KRT39: variants seen among roughly 807,000 people sequenced by gnomAD.
KRT39 encodes keratin, type I cytoskeletal 39.
KRT39 carries 47 observed loss-of-function variants against 54.8 expected under a neutral mutation model. The observed-to-expected ratio is 0.86, with a 90% CI of 0.68 to 1.09. KRT39 has a LOEUF of 1.09. KRT39 is among the 50% of genes least tolerant of loss of function. The pLI, the probability that KRT39 is intolerant of heterozygous loss-of-function variation, is 0.00. For synonymous variants in KRT39, 207 were observed against 227.9 expected (o/e 0.91, Z 0.83); for missense variants, 580 against 598.5 (o/e 0.97, Z 0.32).
Position 40,966,387 on chromosome 17 carries a change from A to G in KRT39, c.468+2T>C. The G allele has an allele frequency of 6.3e-7, 1 of 1,595,400 alleles. No homozygotes were observed. Among genetic ancestry groups the G allele is most frequent in the Non-Finnish European group, 8.6e-7 (1 of 1,164,030 alleles). ...GATTAAACAGGTTCTTAGGAATCTT[A>G]CCTTCTGCTGGAGCTCCTCAATGGT... On this transcript the variant is annotated splice_donor_variant, in intron 1 of 6. Coordinates refer to ENST00000355612, the MANE Select transcript of KRT39 (RefSeq NM_213656.4). LOFTEE classifies it high-confidence loss of function.
Position 40,963,613 on chromosome 17 carries a change from G to T in KRT39, c.708+14C>A. On this transcript the variant is annotated intron_variant, in intron 3 of 6. Coordinates refer to ENST00000355612, the MANE Select transcript of KRT39 (RefSeq NM_213656.4). ...GGACTTAGCTTGTGATTACTCTATTGGTCTTTGTCTCACCTCTTTGTGGTT... is the reference window on the plus strand; with the variant it reads ...GGACTTAGCTTGTGATTACTCTATTTGTCTTTGTCTCACCTCTTTGTGGTT... The T allele has an allele frequency of 6.3e-7, 1 of 1,588,916 alleles. No homozygotes were observed. Among genetic ancestry groups the T allele is most frequent in the Non-Finnish European group, 8.6e-7 (1 of 1,160,660 alleles).
chr17:40,959,985 T>C (rs879504434), intron 6 of KRT39, among the ~76,000 whole-genome samples: 10 of 152,214 alleles, frequency 6.6e-5, no homozygotes, highest in Middle Eastern at 6.8e-3. Flanking sequence ...GGGAAATAAT[T>C]TTTTCTCTAG....
intron 2 of KRT39, 101 bp downstream of exon 2, chr17:40,964,344 TG>T (rs1426249160): frequency 3.3e-6 from 3 of 903,808 alleles, no homozygotes; most frequent in Non-Finnish European, 5.5e-6. Context: ...CAACATCATC[TG>T]GGGCAAGAGG....
At chr17:40,965,725 A>G (rs1317716698) in intron 1 of KRT39, among the ~76,000 whole-genome samples, 5 of 152,248 alleles carry the variant, frequency 3.3e-5, no homozygotes, top group African/African-American at 1.2e-4. Context: ...TAAATTGCTT[A>G]GAAACTCATT....
Position 40,958,812 on chromosome 17 carries a change from G to A in KRT39, c.1265C>T (p.Thr422Ile), listed in dbSNP as rs1343664441. 4 of 1,612,616 alleles carry A rather than the reference G, an allele frequency of 2.5e-6. No individual in the cohort carries two copies. Among genetic ancestry groups the A allele is most frequent in the Admixed American group, 3.3e-5 (2 of 59,782 alleles). ...TTCTATGGCTCCGGACTTACAAGAT[G>A]TCCAAGGGGAAGGCTCACATTTGGT... Reference protein sequence around the residue: ...RATKCEPSPWTSCKSGAIEST... With the variant: ...RATKCEPSPWISCKSGAIEST... The change falls in exon 7 of 7, where the codon ACA (threonine) becomes ATA (isoleucine). Residue 422 changes from threonine to isoleucine, a missense_variant. By Grantham distance (89) the Thr-to-Ile change is moderately conservative (BLOSUM62 -1). Coordinates refer to ENST00000355612, the MANE Select transcript of KRT39 (RefSeq NM_213656.4).
At chr17:40,963,853 T>C in intron 2 of KRT39, 70 bp from the exon 3 acceptor site, 1 of 1,291,424 alleles carries the variant, frequency 7.7e-7, no homozygotes, top group Non-Finnish European at 1.1e-6. Context: ...AGCAGAACTC[T>C]CATCTGCATT....
At position 40,966,885 on chromosome 17, in the gene KRT39, G is replaced by A; in HGVS notation, c.-29C>T. ...ATGTGTCTGGCTTTAGTTTGTTCCA[G>A]GTCTGTGGTCACCAGGATGAAAAGC... is the stretch of plus-strand genomic sequence containing the variant. On this transcript the variant is annotated 5_prime_UTR_variant, in exon 1 of 7. Transcript: ENST00000355612. 2 of 1,514,694 alleles carry A rather than the reference G, an allele frequency of 1.3e-6. No homozygotes were observed. Among genetic ancestry groups the A allele is most frequent in the South Asian group, 1.1e-5 (1 of 87,720 alleles). The allele number at this position is 1,514,694 out of a possible 1,614,324, so 93.8% of individuals were successfully genotyped here. A position where few individuals can be genotyped will look rare whatever the true frequency, so the allele number is the denominator to read the frequency against.
intron 1 of KRT39, among the ~76,000 whole-genome samples, chr17:40,965,911 G>A (rs902016996): frequency 1.3e-5 from 2 of 152,138 alleles, no homozygotes; most frequent in Admixed American, 6.6e-5. Context: ...TAAAGACATA[G>A]TCTCACTTTT....
At chr17:40,964,395 G>A (rs1175882729) in intron 2 of KRT39, 51 bp downstream of exon 2, 8 of 1,519,792 alleles carry the variant, frequency 5.3e-6, no homozygotes, top group Admixed American at 1.7e-5. Context: ...GGGCATCTCG[G>A]TCAGACTCAG....
rs774459779 is a variant in KRT39 at position 40,960,403 on chromosome 17, C to T, written c.1095G>A (p.Leu365=). The change falls in exon 6 of 7, where the codon CTG becomes CTA. Residue 365 remains leucine, a synonymous_variant. Transcript: ENST00000355612. ...TTTCCAGGGCACACCGGATCTCTGC[C>T]AGCTGAGCTTCCAGGTTATCAATCA... ...QSLIDNLEAQ[L]AEIRCALERQ... 6.2e-7 allele frequency: 1 copy of T among 1,614,094 alleles called. No individual in the cohort carries two copies. Among genetic ancestry groups the T allele is most frequent in the Non-Finnish European group, 8.5e-7 (1 of 1,180,018 alleles).
At position 40,960,512 on chromosome 17, in the gene KRT39, G is replaced by A. The variant is rs1437301809; in HGVS notation, c.997-11C>T. 5 of 1,601,384 alleles carry A rather than the reference G, an allele frequency of 3.1e-6. No individual in the cohort carries two copies. The highest frequency in any genetic ancestry group is 4.3e-6 in the Non-Finnish European group (5 of 1,168,518). On this transcript the variant is annotated splice_polypyrimidine_tract_variant and intron_variant, in intron 5 of 6. Transcript: ENST00000355612. ...CTCTTGGGAATCTCTCTACCATGGAGAAGGATAGTAGGATTTATAATGACT... is the reference window on the plus strand; with the variant it reads ...CTCTTGGGAATCTCTCTACCATGGAAAAGGATAGTAGGATTTATAATGACT...
chr17:40,963,806 G>C, intron 2 of KRT39, 23 bp from the exon 3 acceptor site: 40 of 1,559,340 alleles, frequency 2.6e-5, no homozygotes, highest in Non-Finnish European at 3.5e-5. Flanking sequence ...GATGGGAAAA[G>C]AGAGACATCT....
At chr17:40,962,353 T>A in intron 4 of KRT39, 49 bp downstream of exon 4, 1 of 1,609,224 alleles carries the variant, frequency 6.2e-7, no homozygotes, top group Non-Finnish European at 8.5e-7. Flanking sequence ...TAAAGGGCCC[T>A]AGAAATGCAG....
chr17:40,959,829 C>G (rs567351895), intron 6 of KRT39, among the ~76,000 whole-genome samples: 1 of 152,284 alleles, frequency 6.6e-6, no homozygotes, highest in African/African-American at 2.4e-5. Flanking sequence ...GCCTCAAGGA[C>G]TAGTGGCTAG....
chr17:40,960,914 A>G (rs1248639299), intron 5 of KRT39, among the ~76,000 whole-genome samples: 1 of 152,072 alleles, frequency 6.6e-6, no homozygotes, highest in Non-Finnish European at 1.5e-5. Context: ...GGTGGATCAC[A>G]AGGTCAGGAG....
chr17:40,958,973 T>A, intron 6 of KRT39, 114 bp from the exon 7 acceptor site: 1 of 877,062 alleles, frequency 1.1e-6, no homozygotes, highest in South Asian at 1.7e-5. Context: ...AAGTACATAC[T>A]TCTAAATGCT....
intron 1 of KRT39, among the ~76,000 whole-genome samples, 187 bp from the exon 2 acceptor site, chr17:40,964,715 G>T (rs1911295140): frequency 6.6e-6 from 1 of 152,126 alleles, no homozygotes; most frequent in Non-Finnish European, 1.5e-5. Context: ...TTTCCTAAAA[G>T]ATCAGCAAAA....
chr17:40,958,650 G>A lies in KRT39; in HGVS notation c.1427C>T (p.Ser476Phe). The part of the protein sequence containing the change: ...KEIKDGKVIS[S>F]YEHVQPCFII... ...GAAACAAGGCTGCACATGCTCGTAA[G>A]AAGAAATGACCTTCCCATCCTTAAT... is the stretch of plus-strand genomic sequence containing the variant. Residue 476 changes from serine (S) to phenylalanine (F), a missense_variant, in exon 7 of 7, where the codon TCT (serine) becomes TTT (phenylalanine). By Grantham distance (155) the Ser-to-Phe change is radical. Coordinates refer to ENST00000355612, the MANE Select transcript of KRT39 (RefSeq NM_213656.4). 1 of 1,613,924 alleles carries A rather than the reference G, an allele frequency of 6.2e-7. No homozygotes were observed. The highest frequency in any genetic ancestry group is 8.5e-7 in the Non-Finnish European group (1 of 1,179,910).
Position 40,962,397 on chromosome 17 carries a change from C to T in KRT39, c.870+5G>A. On this transcript the variant is annotated splice_donor_5th_base_variant and intron_variant, in intron 4 of 6. Coordinates refer to ENST00000355612, the MANE Select transcript of KRT39 (RefSeq NM_213656.4). ...TATTGTTTTTGACTTTTCTATATCC[C>T]CCACCTGCGTGTTGAACCACTGTTC... is the stretch of plus-strand genomic sequence containing the variant. 1.2e-6 allele frequency: 2 copies of T among 1,613,928 alleles called. No individual in the cohort carries two copies. Among genetic ancestry groups the T allele is most frequent in the Non-Finnish European group, 1.7e-6 (2 of 1,179,890 alleles).
Sources: gnomAD v4.1 joint callset for allele counts (sites outside exome capture counted in the v4.1 genomes callset) on GRCh38, gnomAD v4.1.1 for gene constraint, MANE v1.5 for transcripts, NCBI Gene and HGNC (gene_info 2026-07-23, HGNC 2026-07-21) for gene names.